Variants in CLK4 observed in about 807,000 individuals in gnomAD.
CLK4 encodes the protein CDC like kinase 4.
Under a neutral mutation model 64.4 loss-of-function variants are expected in CLK4, and 37 were observed. The observed-to-expected ratio is 0.57, with a 90% confidence interval of 0.44 to 0.76. The LOEUF is 0.76. Ranked by LOEUF, CLK4 falls within the 30% of genes least tolerant of loss-of-function variation. The probability of loss-of-function intolerance (pLI) is 0.00; values close to 1 mark genes in which losing one functional copy is unlikely to be tolerated. For synonymous variants in CLK4, 175 were observed against 191.6 expected (o/e 0.91, Z 0.72); for missense variants, 457 against 605.1 (o/e 0.76, Z 2.57).
intron 5 of CLK4, among the ~76,000 whole-genome samples, chr5:178,615,984 A>G (rs1352335414): frequency 2.0e-5 from 3 of 152,228 alleles, no homozygotes; most frequent in African/African-American, 4.8e-5. Context: ...AATCTTATAT[A>G]CAGGGTCAAG....
chr5:178,606,432 G>A (rs1305013260), intron 10 of CLK4, among the ~76,000 whole-genome samples: 1 of 152,124 alleles, frequency 6.6e-6, no homozygotes, highest in Non-Finnish European at 1.5e-5. Context: ...GACAGAAACA[G>A]AAATCTGGCG....
At chr5:178,606,508 T>C (rs904782781) in intron 10 of CLK4, among the ~76,000 whole-genome samples, 2 of 152,210 alleles carry the variant, frequency 1.3e-5, no homozygotes, top group African/African-American at 4.8e-5. Context: ...TAGCCCATCA[T>C]AGCTGCATGC....
In CLK4 at chr5:178,618,135, T is replaced by C. The variant is rs114327084; in HGVS notation, c.384+421A>G. The C allele has an allele frequency of 3.8e-3, 573 of 152,586 alleles. 6 individuals carry two copies. Among genetic ancestry groups the C allele is most frequent in the African/African-American group, 0.013 (542 of 41,522 alleles). The allele number at this position is 152,586 out of a possible 1,614,324, so 9.5% of individuals were successfully genotyped here. A position where few individuals can be genotyped will look rare whatever the true frequency, so the allele number is the denominator to read the frequency against. ...CACTGGACTATGGAACTATGCTCTA[T>C]GCAGGTTAGTAACATTCAGGTGTCC... On this transcript the variant is annotated intron_variant, in intron 3 of 12. Transcript: ENST00000316308.
Position 178,611,319 on chromosome 5 carries a change from T to C in CLK4, c.1051+1097A>G, listed in dbSNP as rs77088798. Among the ~76,000 whole-genome samples, 79 of 152,340 alleles carry C rather than the reference T, an allele frequency of 5.2e-4. No homozygotes were observed. The East Asian group carries it at 0.013, about 25-fold the overall frequency. On this transcript the variant is annotated intron_variant, in intron 9 of 12. Transcript: ENST00000316308. ...CACAGTAGCTCCTTTCAATTTGTACTACGCAGAAACCCTATTATTACGCAT... is the reference window on the plus strand; with the variant it reads ...CACAGTAGCTCCTTTCAATTTGTACCACGCAGAAACCCTATTATTACGCAT...
intron 2 of CLK4, among the ~76,000 whole-genome samples, chr5:178,620,894 A>T (rs73351816): frequency 6.6e-6 from 1 of 152,236 alleles, no homozygotes; most frequent in Non-Finnish European, 1.5e-5. Flanking sequence ...TGCATCTTAA[A>T]GGGAAGCCAG....
At chr5:178,625,977 C>A (rs1359691088) in intron 1 of CLK4, among the ~76,000 whole-genome samples, 3 of 152,226 alleles carry the variant, frequency 2.0e-5, no homozygotes, top group Non-Finnish European at 2.9e-5. Flanking sequence ...AAGCATCCCA[C>A]ATGCTAGAGT....
chr5:178,609,337 T>A (rs1764519007), intron 9 of CLK4, among the ~76,000 whole-genome samples: 1 of 152,244 alleles, frequency 6.6e-6, no homozygotes, highest in Non-Finnish European at 1.5e-5. Context: ...ATGACTTAAG[T>A]CATTTTTGTT....
chr5:178,618,146 A>T (rs1179366255), intron 3 of CLK4: 1 of 152,672 alleles, frequency 6.5e-6, no homozygotes, highest in Non-Finnish European at 1.5e-5. Flanking sequence ...GCAGGTTAGT[A>T]ACATTCAGGT....
In CLK4 at chr5:178,612,988, C is replaced by T. The variant is rs1581707138; in HGVS notation, c.827-98G>A. The stretch of plus-strand genomic sequence containing the variant: ...GGCAAAGGATATAGTGGTCAAGAGA[C>T]GATTCATCTTTACTTGTAAAATGTC... On this transcript the variant is annotated intron_variant, in intron 7 of 12. Transcript: ENST00000316308. The T allele has an allele frequency of 1.4e-5, 8 of 553,092 alleles. No individual in the cohort carries two copies. The East Asian group carries it at 1.8e-4, about 12-fold the overall frequency. The allele number at this position is 553,092 out of a possible 1,614,324, so 34.3% of individuals were successfully genotyped here.
At chr5:178,610,325 T>C (rs1268190792) in intron 9 of CLK4, among the ~76,000 whole-genome samples, 1 of 152,054 alleles carries the variant, frequency 6.6e-6, no homozygotes, top group African/African-American at 2.4e-5. Flanking sequence ...CAACCACTCC[T>C]ATCTCCCAAT....
chr5:178,612,119 T>C (rs558059747), intron 9 of CLK4, among the ~76,000 whole-genome samples: 2 of 152,054 alleles, frequency 1.3e-5, no homozygotes, highest in South Asian at 2.1e-4. Context: ...GGTACTCATA[T>C]AACTTCAAAA....
Position 178,603,897 on chromosome 5 carries a change from C to T in CLK4, c.1252G>A (p.Asp418Asn), listed in dbSNP as rs1764421684. The change falls in exon 12 of 13, where the codon GAT (aspartate) becomes AAT (asparagine). Residue 418 changes from aspartate (D) to asparagine (N), a missense_variant. Transcript: ENST00000316308. ...TATCTACCAGCAGAACTGTGTTCAT[C>T]CCAATCTAGCTGGTTATGGTGAAAA... is the stretch of plus-strand genomic sequence containing the variant. ...KYFHHNQLDW[D>N]EHSSAGRYVR... 5 of 1,610,344 alleles carry T rather than the reference C, an allele frequency of 3.1e-6. No individual in the cohort carries two copies. Among genetic ancestry groups the T allele is most frequent in the Non-Finnish European group, 4.2e-6 (5 of 1,179,056 alleles).
chr5:178,617,545 T>C lies in CLK4; in HGVS notation c.385-111A>G, dbSNP rs1764642933. 5 of 1,148,674 alleles carry C rather than the reference T, an allele frequency of 4.4e-6. No homozygotes were observed. The highest frequency in any genetic ancestry group is 6.1e-6 in the Non-Finnish European group (5 of 818,610). 71.2% of individuals were successfully genotyped at this position (1,148,674 alleles called of 1,614,324 possible). ...GCGGGGAGATATTCAGGCATTCAGA[T>C]AAGCACCAGGCCACGAACAGTTGGC... On this transcript the variant is annotated intron_variant, in intron 3 of 12. Transcript: ENST00000316308. This position sits in a 1 kb window ranked among gnomAD's most constrained non-coding sequence, Gnocchi z 5.2.
chr5:178,614,008 G>A (rs144734601), intron 5 of CLK4, among the ~76,000 whole-genome samples, 165 bp from the exon 6 acceptor site: 2 of 152,256 alleles, frequency 1.3e-5, no homozygotes, highest in African/African-American at 4.8e-5. Context: ...AAAACATTTT[G>A]ATAAAATACT....
chr5:178,607,636 G>A (rs988143113), intron 10 of CLK4, among the ~76,000 whole-genome samples: 1 of 145,696 alleles, frequency 6.9e-6, no homozygotes, highest in Non-Finnish European at 1.5e-5. Flanking sequence ...TCAGCCTCCC[G>A]AGTAGCTGGG....
At chr5:178,614,150 C>T (rs1036856802) in intron 5 of CLK4, among the ~76,000 whole-genome samples, 1 of 152,132 alleles carries the variant, frequency 6.6e-6, no homozygotes, top group South Asian at 2.1e-4. Flanking sequence ...ATAGGATATG[C>T]TACTGTTGAA....
At chr5:178,619,817 G>C (rs1464731286) in intron 2 of CLK4, 1 of 1,289,080 alleles carries the variant, frequency 7.8e-7, no homozygotes, top group Non-Finnish European at 1.0e-6. Flanking sequence ...AATTGGCCCA[G>C]TTTCCCGTCC....
At chr5:178,625,732 A>C (rs1215035260) in intron 1 of CLK4, among the ~76,000 whole-genome samples, 1 of 152,224 alleles carries the variant, frequency 6.6e-6, no homozygotes, top group African/African-American at 2.4e-5. Context: ...TAATATGCAA[A>C]CATTAAAATA....
chr5:178,607,830 C>T (rs1323958836), intron 10 of CLK4, among the ~76,000 whole-genome samples: 1 of 152,002 alleles, frequency 6.6e-6, no homozygotes, highest in East Asian at 1.9e-4. Flanking sequence ...ACACTTTCTA[C>T]GTTGTTCCAT....
Sources: gnomAD v4.1 joint callset for allele counts (sites outside exome capture counted in the v4.1 genomes callset) on GRCh38, gnomAD v4.1.1 for gene constraint, Gnocchi (gnomAD v3.1) non-coding constraint, MANE v1.5 for transcripts, NCBI Gene and HGNC (gene_info 2026-07-23, HGNC 2026-07-21) for gene names.